Variants in RMDN2 observed in about 807,000 individuals in gnomAD.
RMDN2 encodes regulator of microtubule dynamics 2, also known as regulator of microtubule dynamics protein 2.
Under a neutral mutation model 52.8 loss-of-function variants are expected in RMDN2, and 61 were observed. The observed-to-expected ratio is 1.16, with a 90% confidence interval of 0.94 to 1.43. The LOEUF is 1.43. RMDN2 is among the 40% of genes most tolerant of loss of function. The probability of loss-of-function intolerance (pLI) is 0.00; values close to 1 mark genes in which losing one functional copy is unlikely to be tolerated. For missense variants in RMDN2, 592 were observed against 475.3 expected, an observed-to-expected ratio of 1.25 and a Z score of -2.28; for synonymous variants, 180 against 153.1, an observed-to-expected ratio of 1.18 and a Z score of -1.30.
At chr2:38,010,805 C>T (rs547346599) in intron 10 of RMDN2, among the ~76,000 whole-genome samples, 17 of 152,318 alleles carry the variant, frequency 1.1e-4, no homozygotes, top group Admixed American at 8.5e-4. Context: ...GCATCACTCA[C>T]GCTCGGAGCT....
intron 7 of RMDN2, among the ~76,000 whole-genome samples, chr2:37,996,169 G>GAA (rs1675509587): frequency 6.6e-6 from 1 of 151,992 alleles, no homozygotes; most frequent in Non-Finnish European, 1.5e-5. Context: ...ACCATTAAGT[G>GAA]AAAAAGCAAG....
intron 10 of RMDN2, among the ~76,000 whole-genome samples, chr2:38,048,393 G>T (rs1187407636): frequency 1.3e-5 from 2 of 152,128 alleles, no homozygotes; most frequent in African/African-American, 2.4e-5. Flanking sequence ...ATTTATCCTT[G>T]TCCCCATTCC....
intron 2 of RMDN2, among the ~76,000 whole-genome samples, chr2:37,939,511 A>T (rs1007654472): frequency 2.0e-5 from 3 of 152,002 alleles, no homozygotes; most frequent in African/African-American, 7.3e-5. Context: ...TCCCACTCTT[A>T]TTGTGTGGGA....
intron 10 of RMDN2, among the ~76,000 whole-genome samples, chr2:38,066,033 C>T (rs960616087): frequency 6.6e-6 from 1 of 152,136 alleles, no homozygotes; most frequent in African/African-American, 2.4e-5. Flanking sequence ...CACAGGCACA[C>T]TGGGAAGGGA....
Position 37,932,031 on chromosome 2 carries a change from T to C in RMDN2, c.452+2302T>C, listed in dbSNP as rs561747501. ...AGTTTGGATTTTTTTGAGAAAGGAATAAGATACAAAAAATTTATTTATTTA... is the reference window on the plus strand; with the variant it reads ...AGTTTGGATTTTTTTGAGAAAGGAACAAGATACAAAAAATTTATTTATTTA... On this transcript the variant is annotated intron_variant, in intron 2 of 10. Coordinates refer to ENST00000354545, the MANE Select transcript of RMDN2 (RefSeq NM_001170791.3). Among the ~76,000 whole-genome samples, 3 of 152,244 alleles carry C rather than the reference T, an allele frequency of 2.0e-5. No individual in the cohort carries two copies. In the South Asian group the frequency reaches 6.2e-4, roughly 32 times the overall value.
At chr2:38,028,737 AT>A (rs1558570484) in intron 10 of RMDN2, among the ~76,000 whole-genome samples, 1 of 151,870 alleles carries the variant, frequency 6.6e-6, no homozygotes. Flanking sequence ...CTCACCTCCA[AT>A]TGTGGGCGGG....
At chr2:37,934,037 A>C (rs192606183) in intron 2 of RMDN2, among the ~76,000 whole-genome samples, 1 of 152,268 alleles carries the variant, frequency 6.6e-6, no homozygotes, top group East Asian at 1.9e-4. Context: ...CTCTTCATAC[A>C]CAAGTGTCCT....
In RMDN2 at chr2:37,929,364, G is replaced by C. The variant is rs1184380939; in HGVS notation, c.87G>C (p.Lys29Asn). The C allele has an allele frequency of 5.8e-6, 9 of 1,551,890 alleles. No individual in the cohort carries two copies. Among genetic ancestry groups the C allele is most frequent in the Non-Finnish European group, 5.2e-6 (6 of 1,146,938 alleles). Residue 29 changes from lysine (K) to asparagine (N), a missense_variant, in exon 2 of 11, where the codon AAG becomes AAC. Physicochemically the swap from Lys to Asn is moderately conservative, Grantham distance 94. Transcript: ENST00000354545. Reference sequence around the variant, plus strand: ...GCTTGCTGCTCTTGTGGTACCACAAGGTCCGTAAACCAGGGATAGCAATGA... The same window carrying C: ...GCTTGCTGCTCTTGTGGTACCACAACGTCCGTAAACCAGGGATAGCAATGA... The part of the protein sequence containing the change: ...GISLLLLWYH[K>N]VRKPGIAMKL...
At chr2:37,979,274 G>T (rs1022822111) in intron 4 of RMDN2, among the ~76,000 whole-genome samples, 1 of 152,020 alleles carries the variant, frequency 6.6e-6, no homozygotes, top group African/African-American at 2.4e-5. Context: ...TAAGATGAAG[G>T]CTGCACAACA....
intron 10 of RMDN2, among the ~76,000 whole-genome samples, chr2:38,015,407 A>G (rs867834077): frequency 1.3e-5 from 2 of 152,122 alleles, no homozygotes; most frequent in Admixed American, 6.5e-5. Context: ...TCTACTAAAA[A>G]TACAAAAATT....
intron 2 of RMDN2, among the ~76,000 whole-genome samples, chr2:37,965,280 A>G (rs952967074): frequency 3.4e-5 from 5 of 148,396 alleles, no homozygotes; most frequent in Admixed American, 2.0e-4. Flanking sequence ...TTGATTTTGT[A>G]TATGCCATAG....
intron 8 of RMDN2, among the ~76,000 whole-genome samples, chr2:38,002,584 T>C (rs1339589005): frequency 2.0e-5 from 3 of 152,252 alleles, no homozygotes; most frequent in East Asian, 1.9e-4. Context: ...AAGAATTATA[T>C]ATCTGTAAAT....
At chr2:37,921,185 T>C (rs1406636096), upstream of RMDN2, among the ~76,000 whole-genome samples, 3 of 152,246 alleles carry the variant, frequency 2.0e-5, no homozygotes, top group African/African-American at 7.2e-5. Flanking sequence ...TATAGGAGTA[T>C]TAGGCCAACC....
At chr2:38,013,944 C>T (rs769698091) in intron 10 of RMDN2, among the ~76,000 whole-genome samples, 24 of 152,246 alleles carry the variant, frequency 1.6e-4, no homozygotes, top group East Asian at 9.7e-4. Context: ...TCGTGGCTCA[C>T]GCCTGTAATC....
At chr2:37,944,616 C>A (rs780756563) in intron 2 of RMDN2, among the ~76,000 whole-genome samples, 1 of 152,078 alleles carries the variant, frequency 6.6e-6, no homozygotes, top group Non-Finnish European at 1.5e-5. Context: ...CTTAGGAGGT[C>A]ACTTATTGAG....
intron 10 of RMDN2, among the ~76,000 whole-genome samples, chr2:38,007,859 C>A (rs900081395): frequency 4.6e-5 from 7 of 152,064 alleles, no homozygotes; most frequent in Non-Finnish European, 7.4e-5. Context: ...ATAAATTTCC[C>A]TCTACACACT....
chr2:37,955,694 T>C (rs1369126727), intron 2 of RMDN2, among the ~76,000 whole-genome samples: 1 of 152,164 alleles, frequency 6.6e-6, no homozygotes, highest in Non-Finnish European at 1.5e-5. Flanking sequence ...TCATTTTCTC[T>C]TGACGCCACC....
chr2:37,963,328 T>TTA, intron 2 of RMDN2: 1 of 142,866 alleles, frequency 7.0e-6, no homozygotes, highest in South Asian at 2.3e-4. Context: ...TTTTTTTTTT[T>TTA]TTTTTTTAAT....
intron 10 of RMDN2, among the ~76,000 whole-genome samples, chr2:38,047,109 A>C (rs1182715960): frequency 6.6e-6 from 1 of 151,454 alleles, no homozygotes; most frequent in East Asian, 1.9e-4. Context: ...AAATGAAGAC[A>C]AAATAAAAGA....
Sources: gnomAD v4.1 joint callset for allele counts (sites outside exome capture counted in the v4.1 genomes callset) on GRCh38, gnomAD v4.1.1 for gene constraint, MANE v1.5 for transcripts, NCBI Gene and HGNC (gene_info 2026-07-23, HGNC 2026-07-21) for gene names.